The following WDFY4 variants were observed in gnomAD, a reference collection of about 807,000 sequenced individuals.
WDFY4 encodes the protein WDFY family member 4, also known as WD repeat- and FYVE domain-containing protein 4.
Under a neutral mutation model 351.9 loss-of-function variants are expected in WDFY4, and 169 were observed. The observed-to-expected ratio is 0.48, with a 90% CI of 0.42 to 0.55. WDFY4 has a LOEUF of 0.55. WDFY4 is among the 20% of genes least tolerant of loss of function. The pLI is 0.00. For missense variants in WDFY4, 3,803 were observed against 3,935.6 expected, an observed-to-expected ratio of 0.97 and a Z score of 0.90; for synonymous variants, 1,622 against 1,574.6, an observed-to-expected ratio of 1.03 and a Z score of -0.71.
intron 24 of WDFY4, among the ~76,000 whole-genome samples, chr10:48,799,761 G>A (rs764112897): frequency 3.3e-5 from 5 of 152,222 alleles, no homozygotes; most frequent in African/African-American, 4.8e-5. Flanking sequence ...CGACAAGAGC[G>A]AGACTTCGTC....
chr10:48,708,794 T>A (rs2063698425), intron 1 of WDFY4, among the ~76,000 whole-genome samples: 1 of 152,114 alleles, frequency 6.6e-6, no homozygotes, highest in Non-Finnish European at 1.5e-5. Flanking sequence ...ACTTAAAGGG[T>A]CATTTTGAGA....
chr10:48,769,986 C>A (rs971928134), intron 13 of WDFY4, among the ~76,000 whole-genome samples: 11 of 152,302 alleles, frequency 7.2e-5, no homozygotes, highest in African/African-American at 2.6e-4. Context: ...CCGTCTCCTG[C>A]GTTGGAAGTA....
chr10:48,970,332 G>A (rs4838661), intron 57 of WDFY4, 43 bp downstream of exon 57: 2 of 1,537,502 alleles, frequency 1.3e-6, no homozygotes, highest in South Asian at 1.2e-5. Context: ...GGTGGGGACA[G>A]TACTTCATGT....
chr10:48,966,828 G>T (rs1164106943), intron 55 of WDFY4, 155 bp downstream of exon 55: 24 of 1,074,186 alleles, frequency 2.2e-5, no homozygotes, highest in Non-Finnish European at 3.1e-5. Flanking sequence ...ATTCTAGGGG[G>T]GTGTCATCTC....
rs568307426 is a variant in WDFY4, at chr10:48,818,360, C to T, written c.5505+951C>T. 3.9e-5 allele frequency among the ~76,000 whole-genome samples: 6 copies of T among 152,346 alleles called. No individual in the cohort carries two copies. The East Asian group carries it at 1.2e-3, about 29-fold the overall frequency. ...AGTGCCCAAATGAATGAGCAACATG[C>T]TCTCTTAGCTAATCTTTTCCAGAAG... On this transcript the variant is annotated intron_variant, in intron 32 of 61. Transcript: ENST00000325239.
intron 51 of WDFY4, among the ~76,000 whole-genome samples, chr10:48,951,414 T>C (rs1474192415): frequency 1.3e-5 from 2 of 152,286 alleles, no homozygotes; most frequent in Admixed American, 1.3e-4. Context: ...GCTGTAGTTC[T>C]TTTGTTCATT....
At chr10:48,968,889 T>C in intron 55 of WDFY4, 175 bp from the exon 56 acceptor site, 4 of 651,946 alleles carry the variant, frequency 6.1e-6, no homozygotes, top group Non-Finnish European at 1.0e-5. Flanking sequence ...TGTGCATAAG[T>C]TCAAGTCCAG....
At chr10:48,782,190 T>C (rs994485901) in intron 19 of WDFY4, among the ~76,000 whole-genome samples, 4 of 152,308 alleles carry the variant, frequency 2.6e-5, no homozygotes, top group African/African-American at 9.6e-5. Flanking sequence ...TGGGATGGGA[T>C]GTGTGGTGTC....
chr10:48,738,312 G>A (rs2064739444), intron 11 of WDFY4, among the ~76,000 whole-genome samples: 1 of 152,234 alleles, frequency 6.6e-6, no homozygotes, highest in South Asian at 2.1e-4. Context: ...CAGCCCTTGG[G>A]CAATAGGACT....
chr10:48,946,929 T>A lies in WDFY4; in HGVS notation c.7937T>A (p.Val2646Asp). 1 of 1,551,886 alleles carries A rather than the reference T, an allele frequency of 6.4e-7. No individual in the cohort carries two copies. Among genetic ancestry groups the A allele is most frequent in the Non-Finnish European group, 8.7e-7 (1 of 1,147,058 alleles). Residue 2646 changes from valine (V) to aspartate (D), a missense_variant, in exon 51 of 62, where the codon GTC (valine) becomes GAC (aspartate). Val to Asp is a radical substitution (Grantham distance 152). Transcript: ENST00000325239. ...SSAIIVASYL[V>D]RMPPFTQAFC... ...GCCATCATCGTGGCCTCCTACCTGGTCCGGATGCCACCCTTCACCCAGGCC... is the reference window on the plus strand; with the variant it reads ...GCCATCATCGTGGCCTCCTACCTGGACCGGATGCCACCCTTCACCCAGGCC...
chr10:48,948,660 T>C (rs1373867297), intron 51 of WDFY4, among the ~76,000 whole-genome samples: 1 of 152,242 alleles, frequency 6.6e-6, no homozygotes, highest in African/African-American at 2.4e-5. Context: ...CCTCTGGAAA[T>C]GAGGGTTAAT....
chr10:48,787,017 A>G, intron 20 of WDFY4, 147 bp downstream of exon 20: 1 of 688,294 alleles, frequency 1.5e-6, no homozygotes, highest in South Asian at 2.0e-5. Flanking sequence ...TTATATATTT[A>G]CAACCCAAGA....
At chr10:48,894,241 G>C (rs1836959372) in intron 44 of WDFY4, among the ~76,000 whole-genome samples, 1 of 152,184 alleles carries the variant, frequency 6.6e-6, no homozygotes, top group African/African-American at 2.4e-5. Context: ...CCATTTTCCA[G>C]AGCATTCTTC....
intron 42 of WDFY4, among the ~76,000 whole-genome samples, chr10:48,876,372 C>G (rs902783904): frequency 6.6e-6 from 1 of 152,328 alleles, no homozygotes; most frequent in Admixed American, 6.5e-5. Flanking sequence ...ACCTCTAGTT[C>G]TTAGAAGCCA....
chr10:48,752,370 T>G (rs2065210177), intron 12 of WDFY4, among the ~76,000 whole-genome samples: 1 of 152,250 alleles, frequency 6.6e-6, no homozygotes, highest in African/African-American at 2.4e-5. Context: ...TCTTTTACTT[T>G]AAAAAAATCT....
intron 43 of WDFY4, among the ~76,000 whole-genome samples, chr10:48,885,632 G>T (rs1017400420): frequency 6.6e-6 from 1 of 152,000 alleles, no homozygotes; most frequent in Non-Finnish European, 1.5e-5. Context: ...TGAAAAGATC[G>T]ATGCATCATT....
intron 1 of WDFY4, among the ~76,000 whole-genome samples, chr10:48,686,185 G>A (rs1281487564): frequency 6.6e-6 from 1 of 151,878 alleles, no homozygotes; most frequent in African/African-American, 2.4e-5. Context: ...TGTGTTGAAA[G>A]AAAAGAAAAT....
Position 48,731,285 on chromosome 10 carries a change from G to A in WDFY4, c.1305G>A (p.Glu435=), listed in dbSNP as rs918541681. ...TGCAGCCCATCTCGCAGTTTGTAGA[G>A]ATCATGCCCCTGAAGCCGGCCCCAG... ...WTLQPISQFV[E]IMPLKPAPVQ... Residue 435 remains glutamate, a synonymous_variant, in exon 9 of 62, where the codon GAG becomes GAA. Transcript: ENST00000325239. The A allele has an allele frequency of 3.2e-6, 5 of 1,551,850 alleles. No homozygotes were observed. Among genetic ancestry groups the A allele is most frequent in the Non-Finnish European group, 4.4e-6 (5 of 1,147,046 alleles).
intron 39 of WDFY4, among the ~76,000 whole-genome samples, chr10:48,842,565 A>C (rs2068644945): frequency 6.6e-6 from 1 of 152,192 alleles, no homozygotes. Flanking sequence ...CTGGGCTAGC[A>C]GAGACCCCGA....
Sources: gnomAD v4.1 joint callset for allele counts (sites outside exome capture counted in the v4.1 genomes callset) on GRCh38, gnomAD v4.1.1 for gene constraint, MANE v1.5 for transcripts, NCBI Gene and HGNC (gene_info 2026-07-23, HGNC 2026-07-21) for gene names.